Variants in DHX9 observed in about 807,000 individuals in gnomAD.
DHX9 encodes the protein DExH-box helicase 9, also known as ATP-dependent RNA helicase A.
DHX9 carries 27 observed loss-of-function variants against 148.7 expected under a neutral mutation model. The ratio of observed to expected loss-of-function variants is 0.18; its 90% CI spans 0.13 to 0.25. The LOEUF is 0.25. Among genes scored for constraint, DHX9 ranks in the 10% least tolerant of loss-of-function variants. The pLI is 1.00. For synonymous variants in DHX9, 529 were observed against 516.6 expected (o/e 1.02, Z -0.33); for missense variants, 796 against 1,559.6 (o/e 0.51, Z 8.25).
rs180944343 is a variant in DHX9 at position 182,878,072 on chromosome 1, C to T, written c.2250C>T (p.Thr750=). The T allele has an allele frequency of 2.3e-4, 369 of 1,614,190 alleles. No homozygotes were observed. The African/African-American group carries it at 3.2e-3, about 14-fold the overall frequency. The part of the protein sequence containing the change: ...TAHNNMTNYA[T]VWASKTNLEQ... ...ACAACAATATGACCAACTATGCTAC[C>T]GTATGGGCATCAAAAACAAACCTTG... The change falls in exon 20 of 28, where the codon ACC becomes ACT. Residue 750 remains threonine (T), a synonymous_variant. Transcript: ENST00000367549.
At chr1:182,887,002 T>C in intron 27 of DHX9, 81 bp from the exon 28 acceptor site, 1 of 1,307,744 alleles carries the variant, frequency 7.6e-7, no homozygotes, top group Admixed American at 2.1e-5. Context: ...TTTTCAAATA[T>C]AACTAAATGT....
At chr1:182,854,774 G>A (rs1026632317) in intron 6 of DHX9, among the ~76,000 whole-genome samples, 3 of 152,110 alleles carry the variant, frequency 2.0e-5, no homozygotes, top group Admixed American at 2.0e-4. Context: ...ATAAAGGGAG[G>A]TCATTTTAAC....
At chr1:182,843,191 A>G (rs1667962665) in intron 2 of DHX9, 103 bp from the exon 3 acceptor site, 2 of 770,358 alleles carry the variant, frequency 2.6e-6, no homozygotes, top group South Asian at 8.2e-5. Context: ...ATATTTCCTA[A>G]AGTTAGCTGT....
At chr1:182,840,468 T>G (rs1667903335) in intron 1 of DHX9, among the ~76,000 whole-genome samples, 1 of 151,934 alleles carries the variant, frequency 6.6e-6, no homozygotes, top group South Asian at 2.1e-4. Flanking sequence ...CCCAGCTAAT[T>G]TTTGTATTTT....
rs753211640 is a variant in DHX9, at chr1:182,884,816, G to A, written c.3461+3G>A. On this transcript the variant is annotated splice_donor_region_variant and intron_variant, in intron 27 of 27. Transcript: ENST00000367549. Reference sequence around the variant, plus strand: ...AACCTTATGATTGGCAGTACACGGTGAGTACCAATATACTTCTTACTGAAC... The same window carrying A: ...AACCTTATGATTGGCAGTACACGGTAAGTACCAATATACTTCTTACTGAAC... 5.6e-6 allele frequency: 9 copies of A among 1,613,828 alleles called. No homozygotes were observed. The African/African-American group carries it at 1.1e-4, about 19-fold the overall frequency.
At chr1:182,881,184 C>A in intron 22 of DHX9, 80 bp from the exon 23 acceptor site, 1 of 1,431,748 alleles carries the variant, frequency 7.0e-7, no homozygotes, top group Non-Finnish European at 9.4e-7. Flanking sequence ...AGACTGCAAC[C>A]CACAGTCGAC....
chr1:182,877,846 G>T (rs1648884678), intron 19 of DHX9, 175 bp from the exon 20 acceptor site: 2 of 732,172 alleles, frequency 2.7e-6, no homozygotes, highest in Non-Finnish European at 4.3e-6. Context: ...TTAGTAGGTT[G>T]ACAACTAGGA....
At chr1:182,866,680 G>T in intron 13 of DHX9, 95 bp downstream of exon 13, 1 of 1,398,630 alleles carries the variant, frequency 7.1e-7, no homozygotes, top group South Asian at 1.4e-5. Context: ...GAAATAATGA[G>T]CCAGTCTCAG....
At chr1:182,856,191 T>C (rs1668248495) in intron 6 of DHX9, among the ~76,000 whole-genome samples, 2 of 152,250 alleles carry the variant, frequency 1.3e-5, no homozygotes, top group Non-Finnish European at 2.9e-5. Flanking sequence ...ATTTCTTGGC[T>C]CCAAGCTAAG....
chr1:182,878,618 T>C (rs1648933835), intron 20 of DHX9, among the ~76,000 whole-genome samples: 1 of 152,202 alleles, frequency 6.6e-6, no homozygotes, highest in Admixed American at 6.5e-5. Flanking sequence ...CTGTTGTTAA[T>C]TTATACAGGT....
intron 27 of DHX9, among the ~76,000 whole-genome samples, chr1:182,886,426 C>T (rs908510773): frequency 5.3e-5 from 8 of 151,960 alleles, no homozygotes; most frequent in Non-Finnish European, 8.8e-5. Context: ...TAACTCCTGA[C>T]GTCAGGTGAT....
chr1:182,886,512 G>C lies in DHX9; in HGVS notation c.3462-571G>C, dbSNP rs1238433519. On this transcript the variant is annotated intron_variant, in intron 27 of 27. Transcript: ENST00000367549. The stretch of plus-strand genomic sequence containing the variant: ...CACCCAGCCACACAGCCATATTTCT[G>C]ACTTAGCTGCTGAATTGGTGGTGTT... Among the ~76,000 whole-genome samples, 3 of 152,110 alleles carry C rather than the reference G, an allele frequency of 2.0e-5. No individual in the cohort carries two copies. In the East Asian group the frequency reaches 5.8e-4, roughly 29 times the overall value.
intron 12 of DHX9, among the ~76,000 whole-genome samples, chr1:182,860,795 C>G (rs1668348871): frequency 6.6e-6 from 1 of 152,198 alleles, no homozygotes; most frequent in South Asian, 2.1e-4. Flanking sequence ...TGAGCAGCGC[C>G]TGCATGTTTG....
chr1:182,883,056 C>T (rs922984002), intron 24 of DHX9, 83 bp from the exon 25 acceptor site: 15 of 941,868 alleles, frequency 1.6e-5, no homozygotes, highest in African/African-American at 4.9e-5. Flanking sequence ...AGTCAGTTCT[C>T]TGAATTATCT....
At position 182,884,596 on chromosome 1, in the gene DHX9, G is replaced by T; in HGVS notation, c.3261-17G>T. The T allele has an allele frequency of 2.5e-6, 4 of 1,611,236 alleles. No individual in the cohort carries two copies. The highest frequency in any genetic ancestry group is 2.5e-6 in the Non-Finnish European group (3 of 1,178,192). On this transcript the variant is annotated splice_polypyrimidine_tract_variant and intron_variant, in intron 26 of 27. Transcript: ENST00000367549. ...ATATACTCCCTCTCTTATTTTTAAT[G>T]TATTTCGCCACTTTAGGATTAAACT... is the stretch of plus-strand genomic sequence containing the variant.
chr1:182,859,787 A>G (rs1257658093), intron 11 of DHX9, among the ~76,000 whole-genome samples: 3 of 151,906 alleles, frequency 2.0e-5, no homozygotes, highest in Non-Finnish European at 2.9e-5. Context: ...TAATTTTTGT[A>G]TTTTTAGTAG....
chr1:182,854,019 T>C lies in DHX9; in HGVS notation c.478-11T>C, dbSNP rs1372037081. ...TAACACAGCCAAATTTAATTATCAT[T>C]GATTCTACAGACTCTAGAATCAGAA... On this transcript the variant is annotated splice_polypyrimidine_tract_variant and intron_variant, in intron 5 of 27. Coordinates refer to ENST00000367549, the MANE Select transcript of DHX9 (RefSeq NM_001357.5). The C allele has an allele frequency of 6.2e-7, 1 of 1,605,904 alleles. No individual in the cohort carries two copies. The highest frequency in any genetic ancestry group is 1.1e-5 in the South Asian group (1 of 90,320).
At chr1:182,853,248 G>A in intron 4 of DHX9, 58 bp from the exon 5 acceptor site, 1 of 1,199,700 alleles carries the variant, frequency 8.3e-7, no homozygotes, top group Non-Finnish European at 1.2e-6. Context: ...ATTCTTTAAT[G>A]TATTTAGGAT....
chr1:182,879,601 A>G (rs148489126), intron 21 of DHX9, among the ~76,000 whole-genome samples, 191 bp downstream of exon 21: 1 of 152,342 alleles, frequency 6.6e-6, no homozygotes, highest in African/African-American at 2.4e-5. Flanking sequence ...ATGAGAAGGA[A>G]GAAAGGGACA....
Sources: gnomAD v4.1 joint callset for allele counts (sites outside exome capture counted in the v4.1 genomes callset) on GRCh38, gnomAD v4.1.1 for gene constraint, MANE v1.5 for transcripts, NCBI Gene and HGNC (gene_info 2026-07-23, HGNC 2026-07-21) for gene names.